KCNIP4: variants seen among roughly 807,000 people sequenced by gnomAD.
KCNIP4 encodes Kv channel-interacting protein 4.
Under a neutral mutation model 34.0 loss-of-function variants are expected in KCNIP4, and 12 were observed. The observed-to-expected ratio is 0.35, with a 90% CI of 0.23 to 0.57. The LOEUF (loss-of-function observed/expected upper bound fraction) is 0.57. Ranked by LOEUF, KCNIP4 falls within the 20% of genes least tolerant of loss-of-function variation. The probability of loss-of-function intolerance (pLI) is 0.83; values close to 1 mark genes in which losing one functional copy is unlikely to be tolerated. For missense variants in KCNIP4, 238 were observed against 311.7 expected (o/e 0.76, Z 1.78); for synonymous variants, 124 against 102.2 (o/e 1.21, Z -1.29).
intron 1 of KCNIP4, among the ~76,000 whole-genome samples, chr4:21,522,360 G>A (rs1044251900): frequency 3.3e-5 from 5 of 151,690 alleles, no homozygotes; most frequent in African/African-American, 7.3e-5. Flanking sequence ...ACCTGCCACC[G>A]TATATTCTGC....
At chr4:21,757,243 G>GAAAGA (rs145596310) in intron 1 of KCNIP4, among the ~76,000 whole-genome samples, 18 of 26,490 alleles carry the variant, frequency 6.8e-4, no homozygotes, top group African/African-American at 2.9e-3. Context: ...AAGAAAGAAA[G>GAAAGA]AAAGAAAAGA....
intron 1 of KCNIP4, among the ~76,000 whole-genome samples, chr4:21,633,658 T>G (rs890759072): frequency 6.6e-6 from 1 of 152,106 alleles, no homozygotes; most frequent in African/African-American, 2.4e-5. Context: ...ATCAAACATT[T>G]TAGTCTTAGG....
intron 2 of KCNIP4, among the ~76,000 whole-genome samples, chr4:20,861,508 G>A (rs747556186): frequency 1.1e-4 from 16 of 152,094 alleles, no homozygotes; most frequent in Non-Finnish European, 1.9e-4. Context: ...AGTTTGACAC[G>A]TATTTCTGCA....
intron 1 of KCNIP4, among the ~76,000 whole-genome samples, chr4:21,603,940 T>C (rs1743427058): frequency 6.6e-6 from 1 of 152,074 alleles, no homozygotes; most frequent in South Asian, 2.1e-4. Flanking sequence ...TATATTTTAA[T>C]CAAAATATAA....
At chr4:21,889,157 A>T (rs904180747) in intron 1 of KCNIP4, among the ~76,000 whole-genome samples, 1 of 152,290 alleles carries the variant, frequency 6.6e-6, no homozygotes, top group Admixed American at 6.5e-5. Flanking sequence ...ACCACAGGTT[A>T]TCCACACAGG....
intron 1 of KCNIP4, among the ~76,000 whole-genome samples, chr4:21,859,583 G>A (rs1413386216): frequency 6.6e-6 from 1 of 151,212 alleles, no homozygotes; most frequent in Non-Finnish European, 1.5e-5. Flanking sequence ...AGCCGAGATC[G>A]CGCCACTGCA....
chr4:21,891,824 C>G (rs1278231103), intron 1 of KCNIP4, among the ~76,000 whole-genome samples: 1 of 152,034 alleles, frequency 6.6e-6, no homozygotes, highest in Non-Finnish European at 1.5e-5. Context: ...AATCAAAGCA[C>G]TATCCTTAGA....
chr4:21,545,371 T>C (rs1314447404), intron 1 of KCNIP4, among the ~76,000 whole-genome samples: 4 of 152,158 alleles, frequency 2.6e-5, no homozygotes, highest in Admixed American at 1.3e-4. Context: ...GCCATTCTTT[T>C]ATTCCTTTAC....
chr4:21,035,589 A>G (rs1381837052), intron 1 of KCNIP4, among the ~76,000 whole-genome samples: 1 of 152,228 alleles, frequency 6.6e-6, no homozygotes, highest in East Asian at 1.9e-4. Flanking sequence ...GCCATTTTTG[A>G]CCTTGAGTCT....
chr4:21,806,654 G>C (rs1721316211), intron 1 of KCNIP4, among the ~76,000 whole-genome samples: 1 of 152,118 alleles, frequency 6.6e-6, no homozygotes, highest in South Asian at 2.1e-4. Flanking sequence ...CAAAGTTCAT[G>C]ACCTGTTGGG....
intron 1 of KCNIP4, among the ~76,000 whole-genome samples, chr4:20,947,040 C>G (rs1345163607): frequency 1.3e-5 from 2 of 152,194 alleles, no homozygotes; most frequent in African/African-American, 4.8e-5. Context: ...TCTGGCATAC[C>G]TGGCATACCT....
intron 1 of KCNIP4, among the ~76,000 whole-genome samples, chr4:21,122,079 G>A (rs1278800081): frequency 2.0e-5 from 3 of 152,180 alleles, no homozygotes; most frequent in Non-Finnish European, 2.9e-5. Flanking sequence ...TTACTGGAAT[G>A]ATTAGGTAAA....
rs1735129718 is a variant in KCNIP4 at position 21,519,452 on chromosome 4, AT to A, written c.61+429118del. 1.9e-5 allele frequency among the ~76,000 whole-genome samples: 2 copies of A among 102,844 alleles called. 1 individual carries two copies. Among genetic ancestry groups the A allele is most frequent in the East Asian group, 5.4e-4 (2 of 3,730 alleles). The allele number at this position is 102,844 out of a possible 152,430, so 67.5% of individuals were successfully genotyped here. On this transcript the variant is annotated intron_variant, in intron 1 of 8. Coordinates refer to ENST00000382152, the MANE Select transcript of KCNIP4 (RefSeq NM_025221.6). ...CATATGTGTGTATATGTATGTGTAT[AT>A]ACACATATGTGTGTATGTGTATGTG... is the stretch of plus-strand genomic sequence containing the variant.
intron 5 of KCNIP4, among the ~76,000 whole-genome samples, chr4:20,735,320 C>T (rs1332925547): frequency 1.3e-5 from 2 of 152,036 alleles, no homozygotes; most frequent in Non-Finnish European, 2.9e-5. Flanking sequence ...CCTCAATTTT[C>T]GTATCTGTAA....
intron 1 of KCNIP4, among the ~76,000 whole-genome samples, chr4:21,426,576 C>T (rs549618295): frequency 1.1e-4 from 16 of 151,828 alleles, no homozygotes; most frequent in African/African-American, 3.6e-4. Flanking sequence ...GCACCCTTTC[C>T]GAGGAGTATG....
At chr4:21,912,206 T>C (rs948104469) in intron 1 of KCNIP4, among the ~76,000 whole-genome samples, 1 of 152,166 alleles carries the variant, frequency 6.6e-6, no homozygotes, top group Non-Finnish European at 1.5e-5. Context: ...ATGATTATGA[T>C]ATTGTCCCTG....
chr4:21,016,950 A>G lies in KCNIP4; in HGVS notation c.62-134241T>C, dbSNP rs1403866536. 2.0e-5 allele frequency among the ~76,000 whole-genome samples: 3 copies of G among 152,172 alleles called. No homozygotes were observed. The South Asian group carries it at 6.2e-4, about 32-fold the overall frequency. On this transcript the variant is annotated intron_variant, in intron 1 of 8. Coordinates refer to ENST00000382152, the MANE Select transcript of KCNIP4 (RefSeq NM_025221.6). ...GGTGCCTTCCAGAGGCCTAATTTCC[A>G]TTTTAAATTAAATAGCAGCCCCCTT... is the stretch of plus-strand genomic sequence containing the variant.
At position 21,248,934 on chromosome 4, in the gene KCNIP4, G is replaced by T. The variant is rs546893421; in HGVS notation, c.62-366225C>A. On this transcript the variant is annotated intron_variant, in intron 1 of 8. Coordinates refer to ENST00000382152, the MANE Select transcript of KCNIP4 (RefSeq NM_025221.6). ...TTTAAAAGTCAGTGCTTTCGCTGTT[G>T]TATCTCCCCATGAGGCCAACCCAAG... Among the ~76,000 whole-genome samples, 25 of 152,286 alleles carry T rather than the reference G, an allele frequency of 1.6e-4. No homozygotes were observed. In the South Asian group the frequency reaches 4.4e-3, roughly 27 times the overall value.
chr4:21,519,188 A>C (rs1288048079), intron 1 of KCNIP4, among the ~76,000 whole-genome samples: 2 of 151,968 alleles, frequency 1.3e-5, no homozygotes, highest in African/African-American at 2.4e-5. Flanking sequence ...GCTCTCGTGA[A>C]TGCGATTAAT....
Sources: gnomAD v4.1 joint callset for allele counts (sites outside exome capture counted in the v4.1 genomes callset) on GRCh38, gnomAD v4.1.1 for gene constraint, MANE v1.5 for transcripts, NCBI Gene and HGNC (gene_info 2026-07-23, HGNC 2026-07-21) for gene names.